The following MTRR variants were observed in gnomAD, a reference collection of about 807,000 sequenced individuals.
The protein encoded by MTRR is methionine synthase reductase.
In MTRR, 63 loss-of-function variants were observed where a neutral mutation model predicts 79.2. The ratio of observed to expected loss-of-function variants is 0.80; its 90% CI spans 0.65 to 0.98. The LOEUF is 0.98. Among genes scored for constraint, MTRR ranks in the 50% least tolerant of loss-of-function variants. The pLI is 0.00. For missense variants in MTRR, 895 were observed against 839.6 expected (o/e 1.07, Z -0.82); for synonymous variants, 355 against 313.3 (o/e 1.13, Z -1.41).
rs762774379 is a variant in MTRR at position 7,878,077 on chromosome 5, C to G, written c.535C>G (p.Leu179Val). 1.2e-6 allele frequency: 2 copies of G among 1,613,824 alleles called. No homozygotes were observed. Among genetic ancestry groups the G allele is most frequent in the Non-Finnish European group, 1.7e-6 (2 of 1,180,014 alleles). Residue 179 changes from leucine (L) to valine (V), a missense_variant, in exon 5 of 15, where the codon CTT becomes GTT. By Grantham distance (32) the Leu-to-Val change is conservative. Transcript: ENST00000440940. ...ATCACCTGCATCCTCGAGGACAGAC[C>G]TTGTGAAGTCAGAGCTGCTACACAT... ...VASPASSRTD[L>V]VKSELLHIES...
chr5:7,892,580 C>T (rs760174523), intron 10 of MTRR, 147 bp from the exon 11 acceptor site: 8 of 865,012 alleles, frequency 9.2e-6, no homozygotes, highest in South Asian at 4.4e-5. Context: ...TTTTTAATTA[C>T]GTAATAATGG....
At chr5:7,867,687 C>G, upstream of MTRR, 1 of 1,614,230 alleles carries the variant, frequency 6.2e-7, no homozygotes, top group Non-Finnish European at 8.5e-7. Context: ...CGTTGTAAAG[C>G]TCCTGCTGCC....
At position 7,854,573 on chromosome 5, in the gene MTRR, A is replaced by G. The variant is rs1746177986; in HGVS notation, n.391+2988A>G. Among the ~76,000 whole-genome samples, 5 of 152,116 alleles carry G rather than the reference A, an allele frequency of 3.3e-5. 1 individual carries two copies. The highest frequency in any genetic ancestry group is 2.6e-4 in the Admixed American group (4 of 15,270). Reference sequence around the variant, plus strand: ...CTCCTTACATGGTGGCGGCAAGAGAAAATGAGGAAGATGCAAAAGCGGAAA... The same window carrying G: ...CTCCTTACATGGTGGCGGCAAGAGAGAATGAGGAAGATGCAAAAGCGGAAA... On this transcript the variant is annotated intron_variant and non_coding_transcript_variant, in intron 1 of 3. Coordinates refer to the MTRR transcript ENST00000502509.
At chr5:7,896,505 C>A in intron 12 of MTRR, 1 of 319,566 alleles carries the variant, frequency 3.1e-6, no homozygotes, top group Admixed American at 4.7e-5. Flanking sequence ...TTTACACATT[C>A]TGCCTTTAAC....
intron 5 of MTRR, among the ~76,000 whole-genome samples, chr5:7,881,246 C>T (rs1735540693): frequency 6.6e-6 from 1 of 152,050 alleles, no homozygotes; most frequent in Non-Finnish European, 1.5e-5. Context: ...CCTGTGGGGG[C>T]ATAGTGCTCT....
chr5:7,853,833 C>T (rs377077987), intron 1 of MTRR, among the ~76,000 whole-genome samples: 44 of 152,162 alleles, frequency 2.9e-4, no homozygotes, highest in South Asian at 2.1e-3. Context: ...CCTTGGTGTC[C>T]GAGGAGCCCT....
At chr5:7,897,380 A>C (rs1351580948) in intron 14 of MTRR, 133 bp downstream of exon 14, 3 of 926,226 alleles carry the variant, frequency 3.2e-6, no homozygotes, top group African/African-American at 3.3e-5. Context: ...CAGGAATAGA[A>C]ATAACAGTTC....
At chr5:7,882,301 T>C (rs1735717439) in intron 5 of MTRR, among the ~76,000 whole-genome samples, 1 of 152,142 alleles carries the variant, frequency 6.6e-6, no homozygotes, top group Non-Finnish European at 1.5e-5. Flanking sequence ...TGAAAGGAGG[T>C]GTGGGCAGGG....
At chr5:7,890,494 C>T in intron 9 of MTRR, 13 of 852,294 alleles carry the variant, frequency 1.5e-5, no homozygotes, top group Non-Finnish European at 1.8e-5. Context: ...TTTTTGTTAC[C>T]TTTTAGAATG....
At chr5:7,895,555 A>G (rs1738358839) in intron 11 of MTRR, among the ~76,000 whole-genome samples, 179 bp from the exon 12 acceptor site, 1 of 152,192 alleles carries the variant, frequency 6.6e-6, no homozygotes, top group East Asian at 1.9e-4. Flanking sequence ...TTTGCAAGAC[A>G]AACTTCTTTC....
rs376109940 is a variant in MTRR, at chr5:7,883,248, A to G, written c.874A>G (p.Thr292Ala). The G allele has an allele frequency of 3.7e-6, 6 of 1,614,102 alleles. No individual in the cohort carries two copies. In the African/African-American group the frequency reaches 5.3e-5, roughly 14 times the overall value. Residue 292 changes from threonine to alanine, a missense_variant, in exon 6 of 15, where the codon ACC becomes GCC. Thr to Ala is a moderately conservative substitution (Grantham distance 58). Coordinates refer to ENST00000440940, the MANE Select transcript of MTRR (RefSeq NM_002454.3). Reference protein sequence around the residue: ...VQLTTNDAIKTTLLVELDISN... With the variant: ...VQLTTNDAIKATLLVELDISN... ...ACTTACTACGAATGATGCCATAAAAACCACTCTGCTGGTAGAATTGGACAT... is the reference window on the plus strand; with the variant it reads ...ACTTACTACGAATGATGCCATAAAAGCCACTCTGCTGGTAGAATTGGACAT...
chr5:7,893,101 G>A, intron 11 of MTRR, 188 bp downstream of exon 11: 2 of 662,288 alleles, frequency 3.0e-6, no homozygotes, highest in African/African-American at 1.8e-5. Flanking sequence ...ACTAGTGTGT[G>A]TATTTTCTGA....
upstream of MTRR, chr5:7,850,995 G>T: frequency 7.8e-7 from 1 of 1,286,908 alleles, no homozygotes; most frequent in African/African-American, 1.5e-5. Flanking sequence ...GCGTGGACGC[G>T]GTGGTCTCCT....
chr5:7,875,818 T>G (rs10063972), intron 4 of MTRR, among the ~76,000 whole-genome samples: 3,968 of 152,358 alleles, frequency 0.026, 160 homozygotes, highest in African/African-American at 0.09. Context: ...GCAGGCTGCA[T>G]TGCTTGGCGT....
rs1448214074 is a variant in MTRR at position 7,897,098 on chromosome 5, C to T, written c.1803C>T (p.Ile601=). The T allele has an allele frequency of 1.9e-6, 3 of 1,614,030 alleles. No individual in the cohort carries two copies. The highest frequency in any genetic ancestry group is 1.7e-5 in the Admixed American group (1 of 60,008). ...TCAGACATTTCCTTAAGCATGGGAT[C>T]TTAACTCATCTAAAGGTTTCCTTCT... ...KELRHFLKHG[I]LTHLKVSFSR... is the part of the protein sequence containing the mutation. Residue 601 remains isoleucine, a synonymous_variant, in exon 14 of 15, where the codon ATC becomes ATT. Transcript: ENST00000440940.
intron 14 of MTRR, among the ~76,000 whole-genome samples, chr5:7,899,010 G>A (rs544567802): frequency 6.6e-6 from 1 of 152,260 alleles, no homozygotes; most frequent in South Asian, 2.1e-4. Context: ...CACTCTGACA[G>A]AAGGCAAAGG....
At position 7,897,651 on chromosome 5, in the gene MTRR, ATG is replaced by A. The variant is rs1738762492; in HGVS notation, c.1952+407_1952+408del. Among the ~76,000 whole-genome samples the A allele has an allele frequency of 2.6e-5, 4 of 152,354 alleles. No individual in the cohort carries two copies. The South Asian group carries it at 8.3e-4, about 32-fold the overall frequency. On this transcript the variant is annotated intron_variant, in intron 14 of 14. Transcript: ENST00000440940. ...AAAAGTATGATTTTTGATGCTGAGA[ATG>A]TGGATACTAGGATTCTTTTTCTGCT...
At position 7,890,681 on chromosome 5, in the gene MTRR, A is replaced by G. The variant is rs370401870; in HGVS notation, c.1328-691A>G. 7.2e-5 allele frequency among the ~76,000 whole-genome samples: 11 copies of G among 152,322 alleles called. No individual in the cohort carries two copies. The East Asian group carries it at 1.2e-3, about 16-fold the overall frequency. ...GATGTTTAAAACTCTACGCCATTAT[A>G]CATAGACCTTTTCATATTTTCAATT... On this transcript the variant is annotated intron_variant, in intron 9 of 14. Coordinates refer to ENST00000440940, the MANE Select transcript of MTRR (RefSeq NM_002454.3).
At chr5:7,880,500 C>G (rs1044458214) in intron 5 of MTRR, among the ~76,000 whole-genome samples, 1 of 152,172 alleles carries the variant, frequency 6.6e-6, no homozygotes, top group Non-Finnish European at 1.5e-5. Context: ...TCCAGTAGTT[C>G]AGTGTCATCC....
Sources: allele counts gnomAD v4.1 joint callset (sites outside exome capture counted in the v4.1 genomes callset), GRCh38; gene constraint gnomAD v4.1.1; transcripts MANE v1.5; gene names NCBI Gene and HGNC (gene_info 2026-07-23, HGNC 2026-07-21).